ACMSD: variants seen among roughly 807,000 people sequenced by gnomAD.
The protein encoded by ACMSD is 2-amino-3-carboxymuconate-6-semialdehyde decarboxylase.
Under a neutral mutation model 45.9 loss-of-function variants are expected in ACMSD, and 37 were observed. That is an observed-to-expected ratio of 0.81 (90% confidence interval 0.62 to 1.06). ACMSD has a LOEUF of 1.06. ACMSD is among the 50% of genes least tolerant of loss of function. The pLI, the probability that ACMSD is intolerant of heterozygous loss-of-function variation, is 0.00. For missense variants in ACMSD, 434 were observed against 420.9 expected (o/e 1.03, Z -0.27); for synonymous variants, 138 against 148.8 (o/e 0.93, Z 0.53).
intron 9 of ACMSD, 54 bp downstream of exon 9, chr2:134,898,493 G>T: frequency 7.4e-7 from 1 of 1,353,958 alleles, no homozygotes; most frequent in Non-Finnish European, 1.0e-6. Context: ...GCTCTAATTG[G>T]GTTTGGTTTC....
At chr2:134,847,855 CTT>C (rs113677848) in intron 2 of ACMSD, among the ~76,000 whole-genome samples, 82 of 141,898 alleles carry the variant, frequency 5.8e-4, no homozygotes, top group African/African-American at 6.0e-4. Context: ...TCTTCTTTTT[CTT>C]TTTTTTTTTT....
intron 2 of ACMSD, among the ~76,000 whole-genome samples, chr2:134,851,272 C>T (rs1010961182): frequency 3.3e-5 from 5 of 152,298 alleles, no homozygotes; most frequent in African/African-American, 1.2e-4. Flanking sequence ...AATGAACATA[C>T]AGGTGCATGT....
intron 8 of ACMSD, among the ~76,000 whole-genome samples, chr2:134,888,830 T>C (rs1689611077): frequency 6.6e-6 from 1 of 152,078 alleles, no homozygotes; most frequent in Non-Finnish European, 1.5e-5. Context: ...AGTTATTACC[T>C]TTAGTGGGAG....
At chr2:134,874,152 G>A (rs2104892827) in intron 8 of ACMSD, among the ~76,000 whole-genome samples, 1 of 152,302 alleles carries the variant, frequency 6.6e-6, no homozygotes, top group South Asian at 2.1e-4. Flanking sequence ...TTAACCAGTG[G>A]ATGGACTAGT....
intron 8 of ACMSD, among the ~76,000 whole-genome samples, chr2:134,896,274 C>A (rs1690142455): frequency 6.6e-6 from 1 of 152,092 alleles, no homozygotes; most frequent in South Asian, 2.1e-4. Flanking sequence ...ACCAAAAGTA[C>A]AAGCATCCAA....
chr2:134,861,823 G>A, intron 3 of ACMSD, 146 bp from the exon 4 acceptor site: 5 of 805,386 alleles, frequency 6.2e-6, no homozygotes, highest in Admixed American at 3.6e-5. Flanking sequence ...GCTGAGGGGG[G>A]TCCAGGGAGA....
intron 2 of ACMSD, among the ~76,000 whole-genome samples, chr2:134,856,849 T>G (rs541476935): frequency 6.6e-6 from 1 of 152,332 alleles, no homozygotes; most frequent in South Asian, 2.1e-4. Context: ...TTTGTTCTGT[T>G]TGCTCCAAAT....
chr2:134,860,856 C>CAAAAAAAAAAAA (rs60233157), intron 3 of ACMSD, among the ~76,000 whole-genome samples: 13 of 72,476 alleles, frequency 1.8e-4, no homozygotes, highest in Admixed American at 3.0e-4. Context: ...CCTGTCTCCA[C>CAAAAAAAAAAAA]AAAAAAAAAA....
Position 134,863,653 on chromosome 2 carries a change from C to T in ACMSD, c.486+22C>T, listed in dbSNP as rs2104858819. 3 of 1,610,892 alleles carry T rather than the reference C, an allele frequency of 1.9e-6. No individual in the cohort carries two copies. The Admixed American group carries it at 5.0e-5, about 27-fold the overall frequency. On this transcript the variant is annotated intron_variant, in intron 5 of 9. Transcript: ENST00000356140. ...TGCGGTGAGTAGCGGGGCTGCTCAG[C>T]CAACGCCAGCCGCCCAGTGCCTGGG... is the stretch of plus-strand genomic sequence containing the variant.
rs753498308 is a variant in ACMSD at position 134,863,490 on chromosome 2, G to A, written c.345G>A (p.Gly115=). ...ACCCCAGGAGGTTCGTGGGTCTGGG[G>A]ACGTTGCCCATGCAGGCCCCTGAGC... ...VSYPRRFVGL[G]TLPMQAPELA... is the part of the protein sequence containing the mutation. The change falls in exon 5 of 10, where the codon GGG becomes GGA. Residue 115 remains glycine (G), a synonymous_variant. Coordinates refer to ENST00000356140, the MANE Select transcript of ACMSD (RefSeq NM_138326.3). The A allele has an allele frequency of 1.9e-6, 3 of 1,614,266 alleles. No individual in the cohort carries two copies. The East Asian group carries it at 6.7e-5, about 36-fold the overall frequency.
At chr2:134,897,890 T>G (rs1009513144) in intron 8 of ACMSD, among the ~76,000 whole-genome samples, 12 of 150,684 alleles carry the variant, frequency 8.0e-5, no homozygotes, top group East Asian at 1.9e-4. Context: ...TTTTTGTTTT[T>G]TTTTTTTTAC....
chr2:134,873,790 T>C (rs1688590893), intron 8 of ACMSD: 1 of 152,248 alleles, frequency 6.6e-6, no homozygotes, highest in African/African-American at 2.4e-5. Context: ...TGGTTGTGAC[T>C]GTTGATTGTT....
rs570531324 is a variant in ACMSD, at chr2:134,842,225, C to T, written c.58-3008C>T. ...GGTCATAAATTTTAGACTCCAGGCT[C>T]GGCTCAACCTAGGATGAGAACTGCG... is the stretch of plus-strand genomic sequence containing the variant. On this transcript the variant is annotated intron_variant, in intron 1 of 9. Transcript: ENST00000356140. Among the ~76,000 whole-genome samples, 3 of 152,218 alleles carry T rather than the reference C, an allele frequency of 2.0e-5. No individual in the cohort carries two copies. In the South Asian group the frequency reaches 6.2e-4, roughly 32 times the overall value.
chr2:134,875,893 T>C (rs1688709212), intron 8 of ACMSD, among the ~76,000 whole-genome samples: 1 of 152,210 alleles, frequency 6.6e-6, no homozygotes, highest in Non-Finnish European at 1.5e-5. Flanking sequence ...ACAGTGCCCT[T>C]ACACAAACTT....
intron 8 of ACMSD, among the ~76,000 whole-genome samples, chr2:134,886,884 G>T (rs1228853760): frequency 2.6e-5 from 4 of 152,114 alleles, no homozygotes; most frequent in Admixed American, 2.6e-4. Context: ...CTAATAAGTG[G>T]CTTTAGCAAG....
Position 134,863,314 on chromosome 2 carries a change from A to T in ACMSD, c.250-81A>T, listed in dbSNP as rs1687931308. 2 of 1,308,480 alleles carry T rather than the reference A, an allele frequency of 1.5e-6. 1 individual carries two copies. The highest frequency in any genetic ancestry group is 2.5e-5 in the South Asian group (2 of 80,210). 81.1% of individuals were successfully genotyped at this position (1,308,480 alleles called of 1,614,324 possible). A position where few individuals can be genotyped will look rare whatever the true frequency, so the allele number is the denominator to read the frequency against. On this transcript the variant is annotated intron_variant, in intron 4 of 9. Coordinates refer to ENST00000356140, the MANE Select transcript of ACMSD (RefSeq NM_138326.3). ...ACTGAAAATGACAAATATTATAGCCATGAGGAGGCACTGTTCAGAGTGAAT... is the reference window on the plus strand; with the variant it reads ...ACTGAAAATGACAAATATTATAGCCTTGAGGAGGCACTGTTCAGAGTGAAT...
At chr2:134,855,457 A>G (rs1687537783) in intron 2 of ACMSD, among the ~76,000 whole-genome samples, 1 of 152,230 alleles carries the variant, frequency 6.6e-6, no homozygotes, top group South Asian at 2.1e-4. Flanking sequence ...TGCAAAACCA[A>G]GCATTGATTG....
chr2:134,864,674 A>G (rs1688013063), intron 5 of ACMSD, among the ~76,000 whole-genome samples: 1 of 152,230 alleles, frequency 6.6e-6, no homozygotes, highest in Non-Finnish European at 1.5e-5. Context: ...CTAATAAAAA[A>G]TAATACCATG....
intron 5 of ACMSD, among the ~76,000 whole-genome samples, chr2:134,866,702 G>T (rs1688114488): frequency 6.6e-6 from 1 of 152,228 alleles, no homozygotes; most frequent in South Asian, 2.1e-4. Context: ...ATGTGGTGAG[G>T]AATTATTCTA....
Sources: gnomAD v4.1 joint callset for allele counts (sites outside exome capture counted in the v4.1 genomes callset) on GRCh38, gnomAD v4.1.1 for gene constraint, MANE v1.5 for transcripts, NCBI Gene and HGNC (gene_info 2026-07-23, HGNC 2026-07-21) for gene names.